The following PTPRD variants were observed in gnomAD, a reference collection of about 807,000 sequenced individuals.
PTPRD encodes protein tyrosine phosphatase receptor type D.
A neutral mutation model predicts 214.5 loss-of-function variants in PTPRD; 34 were observed. The ratio of observed to expected loss-of-function variants is 0.16; its 90% CI spans 0.12 to 0.21. The LOEUF is 0.21. Among genes scored for constraint, PTPRD ranks in the 10% least tolerant of loss-of-function variants. PTPRD has a pLI of 1.00. For synonymous variants in PTPRD, 1,128 were observed against 845.7 expected (o/e 1.33, Z -5.79); for missense variants, 2,545 against 2,398.7 (o/e 1.06, Z -1.27).
intron 8 of PTPRD, among the ~76,000 whole-genome samples, chr9:9,528,325 G>A (rs2074634369): frequency 6.6e-6 from 1 of 152,104 alleles, no homozygotes; most frequent in South Asian, 2.1e-4. Flanking sequence ...AATAATTCAT[G>A]TTTCTACCTG....
At chr9:8,717,116 G>A (rs1257339185) in intron 12 of PTPRD, among the ~76,000 whole-genome samples, 1 of 152,070 alleles carries the variant, frequency 6.6e-6, no homozygotes, top group Non-Finnish European at 1.5e-5. Context: ...ACCCCATCCT[G>A]GGTGACAGAG....
intron 34 of PTPRD, among the ~76,000 whole-genome samples, chr9:8,449,508 CA>C (rs1797405412): frequency 6.6e-6 from 1 of 152,138 alleles, no homozygotes; most frequent in South Asian, 2.1e-4. Flanking sequence ...GAAGGATACC[CA>C]TATTTCTTTT....
intron 39 of PTPRD, among the ~76,000 whole-genome samples, chr9:8,359,039 C>T (rs574566782): frequency 2.4e-5 from 3 of 123,384 alleles, no homozygotes; most frequent in African/African-American, 9.3e-5. Flanking sequence ...ACCTGGGAGG[C>T]GGAGCTTGCA....
intron 7 of PTPRD, among the ~76,000 whole-genome samples, chr9:9,682,746 C>G (rs973571659): frequency 6.6e-6 from 1 of 151,746 alleles, no homozygotes; most frequent in Non-Finnish European, 1.5e-5. Context: ...ACTTTCCTCT[C>G]CAGCATGCAA....
At chr9:8,660,229 A>C (rs2154353485) in intron 12 of PTPRD, among the ~76,000 whole-genome samples, 1 of 151,592 alleles carries the variant, frequency 6.6e-6, no homozygotes, top group Admixed American at 6.6e-5. Flanking sequence ...ATCCTATAGA[A>C]GAATCAATAA....
chr9:10,522,290 G>A (rs1249641103), intron 2 of PTPRD, among the ~76,000 whole-genome samples: 1 of 152,134 alleles, frequency 6.6e-6, no homozygotes, highest in South Asian at 2.1e-4. Flanking sequence ...AGTAAAATAT[G>A]AGGCTCTGAA....
Position 8,844,939 on chromosome 9 carries a change from G to C in PTPRD, c.-103-110993C>G, listed in dbSNP as rs977800368. Reference sequence around the variant, plus strand: ...AACATAAAGCTCTCCAATTAAAAATGGACATTACCGGCACAAGTTTTCTAA... The same window carrying C: ...AACATAAAGCTCTCCAATTAAAAATCGACATTACCGGCACAAGTTTTCTAA... On this transcript the variant is annotated intron_variant, in intron 11 of 45. Coordinates refer to ENST00000381196, the MANE Select transcript of PTPRD (RefSeq NM_002839.4). 8.5e-5 allele frequency among the ~76,000 whole-genome samples: 13 copies of C among 152,072 alleles called. 1 individual carries two copies. Among genetic ancestry groups the C allele is most frequent in the Admixed American group, 7.9e-4 (12 of 15,266 alleles).
intron 5 of PTPRD, chr9:9,800,752 T>C (rs574879419): frequency 1.2e-4 from 18 of 152,324 alleles, no homozygotes; most frequent in African/African-American, 4.1e-4. Flanking sequence ...ATTTGCCCAA[T>C]TTATCCAATG....
At chr9:10,553,511 A>G (rs2061805723) in intron 2 of PTPRD, among the ~76,000 whole-genome samples, 1 of 152,182 alleles carries the variant, frequency 6.6e-6, no homozygotes, top group Non-Finnish European at 1.5e-5. Flanking sequence ...TTTCCAAAAT[A>G]TGCAAGTATG....
At chr9:9,807,117 T>C (rs1598384091) in intron 5 of PTPRD, among the ~76,000 whole-genome samples, 1 of 152,224 alleles carries the variant, frequency 6.6e-6, no homozygotes, top group East Asian at 1.9e-4. Context: ...TTTAATAAAC[T>C]TTCACTCCCG....
chr9:10,048,511 T>G (rs1008320551), intron 3 of PTPRD, among the ~76,000 whole-genome samples: 9 of 152,114 alleles, frequency 5.9e-5, no homozygotes, highest in Non-Finnish European at 1.2e-4. Flanking sequence ...CTGATTCATT[T>G]TGGTTTCCAG....
intron 2 of PTPRD, among the ~76,000 whole-genome samples, chr9:10,538,239 AAAATAAAT>A (rs139133858): frequency 0.39 from 50,575 of 130,026 alleles, 10,133 homozygotes; most frequent in Middle Eastern, 0.47. Context: ...GCCTCATCAT[AAAATAAAT>A]AAATAAATAA....
At chr9:10,424,774 T>TA (rs1240768943) in intron 2 of PTPRD, among the ~76,000 whole-genome samples, 1 of 151,950 alleles carries the variant, frequency 6.6e-6, no homozygotes, top group African/African-American at 2.4e-5. Context: ...CTTTAAAAAC[T>TA]AAAACGAAAA....
intron 9 of PTPRD, among the ~76,000 whole-genome samples, chr9:9,288,159 G>C (rs753830777): frequency 3.3e-5 from 5 of 151,660 alleles, no homozygotes; most frequent in Non-Finnish European, 7.4e-5. Context: ...CCTATAAAAG[G>C]AATGTTTTAT....
intron 8 of PTPRD, among the ~76,000 whole-genome samples, chr9:9,399,828 G>T (rs1429373755): frequency 6.6e-6 from 1 of 151,978 alleles, no homozygotes; most frequent in Admixed American, 6.6e-5. Context: ...AACTGTGAAT[G>T]AATCAATTAA....
chr9:9,877,605 T>C (rs1370596457), intron 5 of PTPRD, among the ~76,000 whole-genome samples: 3 of 152,058 alleles, frequency 2.0e-5, no homozygotes. Context: ...GTAAAAAGAA[T>C]TCTTAATTAT....
At chr9:9,844,562 A>G (rs777293735) in intron 5 of PTPRD, among the ~76,000 whole-genome samples, 6 of 152,026 alleles carry the variant, frequency 3.9e-5, no homozygotes, top group African/African-American at 7.2e-5. Flanking sequence ...CATAAACAAA[A>G]AATAAAAGGA....
chr9:10,610,714 C>G (rs2133796043), intron 2 of PTPRD, among the ~76,000 whole-genome samples: 1 of 152,094 alleles, frequency 6.6e-6, no homozygotes, highest in East Asian at 1.9e-4. Flanking sequence ...AAATAATAAT[C>G]AAGAAACAAT....
intron 9 of PTPRD, among the ~76,000 whole-genome samples, chr9:9,388,424 C>T (rs1049831747): frequency 1.3e-5 from 2 of 152,138 alleles, no homozygotes; most frequent in African/African-American, 4.8e-5. Flanking sequence ...TCTTCCCTTC[C>T]CAGCACTAAT....
Sources: gnomAD v4.1 joint callset for allele counts (sites outside exome capture counted in the v4.1 genomes callset) on GRCh38, gnomAD v4.1.1 for gene constraint, MANE v1.5 for transcripts, NCBI Gene and HGNC (gene_info 2026-07-23, HGNC 2026-07-21) for gene names.